The following CACNA2D3 variants were observed in gnomAD, a reference collection of about 807,000 sequenced individuals.
CACNA2D3 encodes the protein calcium voltage-gated channel auxiliary subunit alpha2delta 3.
CACNA2D3 carries 60 observed loss-of-function variants against 160.6 expected under a neutral mutation model. The observed-to-expected ratio is 0.37, with a 90% CI of 0.30 to 0.46. The LOEUF (loss-of-function observed/expected upper bound fraction) is 0.46. CACNA2D3 is among the 20% of genes least tolerant of loss of function. CACNA2D3 has a pLI of 1.00. For synonymous variants in CACNA2D3, 558 were observed against 492.9 expected (o/e 1.13, Z -1.75); for missense variants, 1,205 against 1,365.0 (o/e 0.88, Z 1.85).
rs1342294162 is a variant in CACNA2D3, at chr3:55,049,549, T to C, written c.2988-23896T>C. Among the ~76,000 whole-genome samples the C allele has an allele frequency of 4.2e-5, 6 of 142,796 alleles. No individual in the cohort carries two copies. The East Asian group carries it at 1.2e-3, about 28-fold the overall frequency. The allele number at this position is 142,796 out of a possible 152,430, so 93.7% of individuals were successfully genotyped here. On this transcript the variant is annotated intron_variant, in intron 35 of 37. Transcript: ENST00000474759. The stretch of plus-strand genomic sequence containing the variant: ...TATGTGGTCAATTTTGGAATAGGTG[T>C]GGTGTGGTGCTGAAAAAAATGTATA...
intron 2 of CACNA2D3, among the ~76,000 whole-genome samples, chr3:54,265,357 G>A (rs1702480004): frequency 6.6e-6 from 1 of 152,104 alleles, no homozygotes; most frequent in South Asian, 2.1e-4. Context: ...ATGGACACAG[G>A]GAGGGGAACA....
At chr3:54,379,043 G>A (rs964156765) in intron 3 of CACNA2D3, among the ~76,000 whole-genome samples, 10 of 152,136 alleles carry the variant, frequency 6.6e-5, no homozygotes, top group African/African-American at 2.2e-4. Flanking sequence ...ATTTTGTCTT[G>A]TAAAAGGCCA....
intron 27 of CACNA2D3, among the ~76,000 whole-genome samples, chr3:54,900,378 A>G (rs1274435308): frequency 2.0e-5 from 3 of 152,194 alleles, no homozygotes; most frequent in Non-Finnish European, 4.4e-5. Context: ...AAAATATTAT[A>G]TGACTGAGAG....
chr3:54,536,033 T>C (rs1021243165), intron 5 of CACNA2D3, among the ~76,000 whole-genome samples: 1 of 152,218 alleles, frequency 6.6e-6, no homozygotes, highest in Non-Finnish European at 1.5e-5. Flanking sequence ...TAAGAGCTAT[T>C]TAGACGTGAC....
chr3:54,970,122 T>A (rs1702236883), intron 29 of CACNA2D3, among the ~76,000 whole-genome samples: 1 of 152,148 alleles, frequency 6.6e-6, no homozygotes, highest in Admixed American at 6.5e-5. Context: ...AACTCCTAAC[T>A]CCTACTGTTT....
At chr3:54,267,434 G>T (rs1005280372) in intron 2 of CACNA2D3, among the ~76,000 whole-genome samples, 1 of 152,206 alleles carries the variant, frequency 6.6e-6, no homozygotes, top group Non-Finnish European at 1.5e-5. Flanking sequence ...TCCATTGGAG[G>T]TGCAGGCTAG....
At chr3:54,927,901 T>C (rs1441023532) in intron 27 of CACNA2D3, 1 of 1,613,644 alleles carries the variant, frequency 6.2e-7, no homozygotes, top group East Asian at 2.2e-5. Context: ...TGATCAGGGC[T>C]CACCTTTCAT....
chr3:54,811,709 C>G (rs1703323686), intron 13 of CACNA2D3, among the ~76,000 whole-genome samples: 1 of 151,996 alleles, frequency 6.6e-6, no homozygotes, highest in African/African-American at 2.4e-5. Flanking sequence ...CCATGTTGGC[C>G]ATGCTGGTCT....
intron 3 of CACNA2D3, among the ~76,000 whole-genome samples, chr3:54,373,065 G>A (rs1377902892): frequency 6.6e-6 from 1 of 152,186 alleles, no homozygotes; most frequent in African/African-American, 2.4e-5. Context: ...TCAAGTTGGA[G>A]CAGTCATCTC....
chr3:54,142,884 G>A (rs1479936659), intron 2 of CACNA2D3, among the ~76,000 whole-genome samples: 2 of 152,150 alleles, frequency 1.3e-5, no homozygotes, highest in East Asian at 1.9e-4. Context: ...TTTCTCTCAT[G>A]GCCTGCATTT....
chr3:54,741,145 G>T lies in CACNA2D3; in HGVS notation c.1168-11454G>T, dbSNP rs1051886922. ...AAAGGGAGACAAACTCATGGTGGGG[G>T]TGGATGGCGGGAAGGGAGAGCATTA... is the stretch of plus-strand genomic sequence containing the variant. On this transcript the variant is annotated intron_variant, in intron 11 of 37. Coordinates refer to ENST00000474759, the MANE Select transcript of CACNA2D3 (RefSeq NM_018398.3). Among the ~76,000 whole-genome samples, 5 of 152,112 alleles carry T rather than the reference G, an allele frequency of 3.3e-5. No individual in the cohort carries two copies. In the East Asian group the frequency reaches 7.7e-4, roughly 24 times the overall value.
intron 11 of CACNA2D3, among the ~76,000 whole-genome samples, chr3:54,697,229 G>C (rs991964610): frequency 2.6e-5 from 4 of 152,114 alleles, no homozygotes; most frequent in Middle Eastern, 3.2e-3. Flanking sequence ...AGTGAGCTGC[G>C]ATTGCACCAC....
intron 29 of CACNA2D3, among the ~76,000 whole-genome samples, chr3:54,979,716 G>C (rs1015370238): frequency 2.0e-5 from 3 of 152,070 alleles, no homozygotes; most frequent in African/African-American, 7.2e-5. Flanking sequence ...TCAGCTCTCT[G>C]TGAGAGTCCT....
chr3:54,838,757 A>G (rs898959515), intron 16 of CACNA2D3, 109 bp downstream of exon 16: 6 of 805,004 alleles, frequency 7.5e-6, no homozygotes, highest in Non-Finnish European at 1.3e-5. Flanking sequence ...TTTGCTCACC[A>G]CTATTACAGC....
chr3:54,575,350 CT>C, intron 8 of CACNA2D3, among the ~76,000 whole-genome samples: 1 of 152,078 alleles, frequency 6.6e-6, no homozygotes, highest in Non-Finnish European at 1.5e-5. Context: ...ACTTCCTTTA[CT>C]TTTTGTTTAT....
intron 13 of CACNA2D3, among the ~76,000 whole-genome samples, chr3:54,772,039 T>C (rs1044762537): frequency 1.3e-5 from 2 of 151,888 alleles, no homozygotes; most frequent in Non-Finnish European, 2.9e-5. Context: ...CTCTTTGTTA[T>C]ATTGCAGTCT....
At chr3:55,032,947 C>T (rs1217633561) in intron 35 of CACNA2D3, among the ~76,000 whole-genome samples, 3 of 488 alleles carry the variant, frequency 6.1e-3, no homozygotes, top group East Asian at 0.083. Context: ...GGGGGGTGGG[C>T]GGGGGAGGTA....
intron 2 of CACNA2D3, among the ~76,000 whole-genome samples, chr3:54,172,514 C>T (rs1343004814): frequency 1.3e-5 from 2 of 152,188 alleles, no homozygotes; most frequent in South Asian, 2.1e-4. Context: ...CCCAGCTGGG[C>T]AAGTGCGGGC....
chr3:54,689,187 C>T (rs535245756), intron 11 of CACNA2D3, among the ~76,000 whole-genome samples: 6 of 152,110 alleles, frequency 3.9e-5, no homozygotes, highest in South Asian at 2.1e-4. Context: ...CAGTCGATCT[C>T]GCCCTCTCCT....
Sources: gnomAD v4.1 joint callset for allele counts (sites outside exome capture counted in the v4.1 genomes callset) on GRCh38, gnomAD v4.1.1 for gene constraint, MANE v1.5 for transcripts, NCBI Gene and HGNC (gene_info 2026-07-23, HGNC 2026-07-21) for gene names.